CNTNAP5: variants seen among roughly 807,000 people sequenced by gnomAD.
CNTNAP5 encodes contactin associated protein family member 5.
Under a neutral mutation model 150.2 loss-of-function variants are expected in CNTNAP5, and 72 were observed. The ratio of observed to expected loss-of-function variants is 0.48; its 90% CI spans 0.40 to 0.58. The LOEUF (loss-of-function observed/expected upper bound fraction) is 0.58, where lower values mean the gene tolerates loss of function less well. Among genes scored for constraint, CNTNAP5 ranks in the 20% least tolerant of loss-of-function variants. The pLI is 0.00. For missense variants in CNTNAP5, 1,636 were observed against 1,626.2 expected, an observed-to-expected ratio of 1.01 and a Z score of -0.10; for synonymous variants, 672 against 619.8, an observed-to-expected ratio of 1.08 and a Z score of -1.25.
chr2:124,773,532 C>T (rs910075713), intron 17 of CNTNAP5, among the ~76,000 whole-genome samples: 30 of 152,216 alleles, frequency 2.0e-4, no homozygotes, highest in African/African-American at 7.0e-4. Context: ...TTGATAGTAC[C>T]TGAAATCATA....
chr2:124,395,293 A>G (rs1558882048), intron 3 of CNTNAP5, among the ~76,000 whole-genome samples: 1 of 152,166 alleles, frequency 6.6e-6, no homozygotes. Context: ...CCCAAGAAGC[A>G]ACAGTGTTGA....
chr2:124,281,426 T>A (rs1317178833), intron 3 of CNTNAP5, among the ~76,000 whole-genome samples: 2 of 152,182 alleles, frequency 1.3e-5, no homozygotes, highest in African/African-American at 2.4e-5. Context: ...AAAAGAGTAT[T>A]CTAAATTGCT....
chr2:124,792,955 A>T (rs185069289), intron 18 of CNTNAP5, among the ~76,000 whole-genome samples: 24 of 152,264 alleles, frequency 1.6e-4, no homozygotes, highest in Admixed American at 1.4e-3. Flanking sequence ...GGATGTTGGG[A>T]TGGTTTCATT....
At chr2:124,549,722 C>A (rs895658191) in intron 10 of CNTNAP5, among the ~76,000 whole-genome samples, 1 of 152,136 alleles carries the variant, frequency 6.6e-6, no homozygotes, top group South Asian at 2.1e-4. Flanking sequence ...GGTATAATTG[C>A]TTTTTTTCTT....
intron 1 of CNTNAP5, among the ~76,000 whole-genome samples, chr2:124,142,588 CAA>C (rs1684142824): frequency 7.4e-6 from 1 of 135,156 alleles, no homozygotes; most frequent in Non-Finnish European, 1.6e-5. Flanking sequence ...TCTTTGAAAC[CAA>C]CGAGAACAAA....
intron 12 of CNTNAP5, among the ~76,000 whole-genome samples, chr2:124,638,238 T>C (rs1038881861): frequency 6.8e-6 from 1 of 146,352 alleles, no homozygotes; most frequent in African/African-American, 2.5e-5. Context: ...TACATATATA[T>C]GTAACTTCTC....
intron 10 of CNTNAP5, among the ~76,000 whole-genome samples, chr2:124,546,622 G>GAT (rs2104912056): frequency 6.6e-6 from 1 of 152,322 alleles, no homozygotes; most frequent in Admixed American, 6.5e-5. Context: ...TGGTAGTGTA[G>GAT]ACAATGTGGC....
chr2:124,447,802 C>T (rs1190144862), intron 6 of CNTNAP5, among the ~76,000 whole-genome samples: 1 of 152,040 alleles, frequency 6.6e-6, no homozygotes, highest in African/African-American at 2.4e-5. Context: ...GGTTAGAAGA[C>T]TGGGGAGGCA....
intron 1 of CNTNAP5, among the ~76,000 whole-genome samples, chr2:124,110,151 T>C (rs932650956): frequency 6.6e-6 from 1 of 152,236 alleles, no homozygotes; most frequent in Non-Finnish European, 1.5e-5. Flanking sequence ...CAGGTTGTGA[T>C]TCTTTTGCTG....
chr2:124,775,079 T>C (rs574343602), intron 17 of CNTNAP5, among the ~76,000 whole-genome samples: 1 of 152,294 alleles, frequency 6.6e-6, no homozygotes, highest in African/African-American at 2.4e-5. Context: ...CTCTGCTTTA[T>C]TGAATTTGTC....
chr2:124,069,913 G>A (rs956922676), intron 1 of CNTNAP5, among the ~76,000 whole-genome samples: 10 of 152,172 alleles, frequency 6.6e-5, no homozygotes, highest in East Asian at 5.8e-4. Context: ...TGTAATTGTC[G>A]TATATAAACT....
chr2:124,348,800 G>A (rs887698866), intron 3 of CNTNAP5, among the ~76,000 whole-genome samples: 7 of 152,042 alleles, frequency 4.6e-5, no homozygotes, highest in Admixed American at 1.3e-4. Flanking sequence ...TAGAAATAGT[G>A]TTATAGAATC....
intron 1 of CNTNAP5, among the ~76,000 whole-genome samples, chr2:124,089,875 C>T (rs1329201879): frequency 1.3e-5 from 2 of 152,226 alleles, no homozygotes. Flanking sequence ...CTTTCATGCA[C>T]ATGCTTCAAA....
At chr2:124,128,464 G>A (rs1415313164) in intron 1 of CNTNAP5, among the ~76,000 whole-genome samples, 1 of 152,142 alleles carries the variant, frequency 6.6e-6, no homozygotes, top group African/African-American at 2.4e-5. Flanking sequence ...CTGTTGGTGG[G>A]ACTGTAAACT....
Position 124,025,477 on chromosome 2 carries a change from C to T in CNTNAP5, c.-174C>T. ...CCAGCTGCAGCTCCGAAGAATCCCC[C>T]GCCACGGTTTCGGTGGAGCGTCTGG... On this transcript the variant is annotated 5_prime_UTR_variant, in exon 1 of 24. Transcript: ENST00000682447. The T allele has an allele frequency of 1.6e-6, 1 of 617,880 alleles. No individual in the cohort carries two copies. The allele number at this position is 617,880 out of a possible 1,614,324, so 38.3% of individuals were successfully genotyped here. A position where few individuals can be genotyped will look rare whatever the true frequency, so the allele number is the denominator to read the frequency against.
intron 3 of CNTNAP5, among the ~76,000 whole-genome samples, chr2:124,315,841 G>A (rs1400899255): frequency 1.3e-5 from 2 of 151,920 alleles, no homozygotes; most frequent in Non-Finnish European, 2.9e-5. Context: ...TCTCTTTTGG[G>A]TCTAATGCAT....
At chr2:124,038,997 T>C (rs1268522504) in intron 1 of CNTNAP5, among the ~76,000 whole-genome samples, 1 of 152,200 alleles carries the variant, frequency 6.6e-6, no homozygotes, top group Non-Finnish European at 1.5e-5. Flanking sequence ...ATATGATCTC[T>C]GCCCTAAGTT....
At chr2:124,408,102 G>C (rs557031619) in intron 3 of CNTNAP5, among the ~76,000 whole-genome samples, 20 of 151,036 alleles carry the variant, frequency 1.3e-4, no homozygotes, top group Middle Eastern at 3.5e-3. Context: ...TTCCCTTTCC[G>C]AGTCAAAGAA....
chr2:124,795,416 A>G (rs778407276), intron 18 of CNTNAP5, among the ~76,000 whole-genome samples: 5 of 152,192 alleles, frequency 3.3e-5, no homozygotes, highest in Non-Finnish European at 7.3e-5. Context: ...GCTCTCAGAG[A>G]CATCCAGCTC....
Sources: gnomAD v4.1 joint callset for allele counts (sites outside exome capture counted in the v4.1 genomes callset) on GRCh38, gnomAD v4.1.1 for gene constraint, MANE v1.5 for transcripts, NCBI Gene and HGNC (gene_info 2026-07-23, HGNC 2026-07-21) for gene names.